The following NELL1 variants were observed in gnomAD, a reference collection of about 807,000 sequenced individuals.
NELL1 encodes neural EGFL like 1.
Under a neutral mutation model 107.4 loss-of-function variants are expected in NELL1, and 76 were observed. That is an observed-to-expected ratio of 0.71 (90% CI 0.59 to 0.86). The LOEUF (loss-of-function observed/expected upper bound fraction) is 0.86, where lower values mean the gene tolerates loss of function less well. NELL1 is among the 40% of genes least tolerant of loss of function. The pLI is 0.00. For synonymous variants in NELL1, 353 were observed against 341.2 expected, an observed-to-expected ratio of 1.03 and a Z score of -0.38; for missense variants, 1,024 against 1,005.5, an observed-to-expected ratio of 1.02 and a Z score of -0.25.
intron 5 of NELL1, among the ~76,000 whole-genome samples, chr11:20,909,608 C>T (rs963285200): frequency 6.6e-5 from 10 of 151,114 alleles, no homozygotes. Context: ...TGAAGTTACT[C>T]TCTTGCTTAA....
chr11:21,529,040 A>G (rs1300399597), intron 15 of NELL1, among the ~76,000 whole-genome samples: 1 of 152,112 alleles, frequency 6.6e-6, no homozygotes. Context: ...GGCTAGCAAT[A>G]AAAAGCAACT....
chr11:20,850,614 C>A (rs1848778341), intron 4 of NELL1, among the ~76,000 whole-genome samples: 1 of 152,162 alleles, frequency 6.6e-6, no homozygotes, highest in South Asian at 2.1e-4. Context: ...AGCTATTTAG[C>A]CCAATAGTGG....
intron 15 of NELL1, among the ~76,000 whole-genome samples, chr11:21,474,291 C>G (rs1854263815): frequency 6.6e-6 from 1 of 151,966 alleles, no homozygotes; most frequent in Non-Finnish European, 1.5e-5. Flanking sequence ...GGTTCTCACT[C>G]TCTTTTAATA....
intron 16 of NELL1, among the ~76,000 whole-genome samples, chr11:21,549,344 CTGTTA>C (rs1368808880): frequency 3.9e-5 from 6 of 151,922 alleles, no homozygotes; most frequent in Non-Finnish European, 8.8e-5. Flanking sequence ...AGATAAATCT[CTGTTA>C]TATCAAAATG....
chr11:20,678,223 G>A (rs1171177743), intron 2 of NELL1, among the ~76,000 whole-genome samples, 163 bp downstream of exon 2: 1 of 152,134 alleles, frequency 6.6e-6, no homozygotes, highest in African/African-American at 2.4e-5. Flanking sequence ...CTGAGGGCAG[G>A]AGGGAGGCAT....
intron 14 of NELL1, among the ~76,000 whole-genome samples, chr11:21,298,392 A>G (rs1849419319): frequency 6.6e-6 from 1 of 151,882 alleles, no homozygotes; most frequent in African/African-American, 2.4e-5. Flanking sequence ...CTCTTCTCAG[A>G]TGTCTCCTTA....
chr11:21,352,037 T>C (rs1454221116), intron 14 of NELL1, among the ~76,000 whole-genome samples: 1 of 152,158 alleles, frequency 6.6e-6, no homozygotes, highest in Non-Finnish European at 1.5e-5. Context: ...ATACTAAGTA[T>C]GGTCCTCCAT....
At chr11:20,913,631 C>CA (rs1850181832) in intron 5 of NELL1, among the ~76,000 whole-genome samples, 1 of 151,978 alleles carries the variant, frequency 6.6e-6, no homozygotes, top group South Asian at 2.1e-4. Context: ...GGTGAGCTGA[C>CA]AGCAGGAGGT....
At chr11:21,082,065 C>T (rs1240944816) in intron 12 of NELL1, among the ~76,000 whole-genome samples, 5 of 152,274 alleles carry the variant, frequency 3.3e-5, no homozygotes, top group Middle Eastern at 6.8e-3. Flanking sequence ...TAGCTTAATA[C>T]TTCACCTGTA....
chr11:21,388,938 G>A (rs1346482783), intron 15 of NELL1, among the ~76,000 whole-genome samples: 7 of 151,742 alleles, frequency 4.6e-5, no homozygotes, highest in Admixed American at 4.6e-4. Flanking sequence ...GTTGAACACT[G>A]TCATCTTTCT....
At chr11:21,483,448 G>A (rs577574662) in intron 15 of NELL1, among the ~76,000 whole-genome samples, 1 of 152,120 alleles carries the variant, frequency 6.6e-6, no homozygotes, top group East Asian at 1.9e-4. Flanking sequence ...TGCTACACAG[G>A]GTTAAATGTA....
At position 20,871,201 on chromosome 11, in the gene NELL1, A is replaced by C. The variant is rs546702759; in HGVS notation, c.507-14243A>C. ...CTGAATCCCTTCCTGCCCTCCTGCT[A>C]GTACTTCCCTTTGACTGAAACCAAG... On this transcript the variant is annotated intron_variant, in intron 4 of 19. Transcript: ENST00000357134. Among the ~76,000 whole-genome samples, 12 of 152,324 alleles carry C rather than the reference A, an allele frequency of 7.9e-5. No individual in the cohort carries two copies. The East Asian group carries it at 1.3e-3, about 17-fold the overall frequency.
intron 11 of NELL1, among the ~76,000 whole-genome samples, chr11:20,957,623 A>C (rs753873538): frequency 2.6e-5 from 4 of 152,232 alleles, no homozygotes; most frequent in Non-Finnish European, 5.9e-5. Flanking sequence ...TAAAATATTT[A>C]TATGTAACAT....
intron 2 of NELL1, among the ~76,000 whole-genome samples, chr11:20,780,046 T>C (rs1856823512): frequency 6.6e-6 from 1 of 152,220 alleles, no homozygotes; most frequent in Non-Finnish European, 1.5e-5. Context: ...AAAGGGCTTC[T>C]CTGAGAGTGA....
At chr11:20,818,211 T>C (rs1857666515) in intron 3 of NELL1, among the ~76,000 whole-genome samples, 1 of 152,218 alleles carries the variant, frequency 6.6e-6, no homozygotes, top group African/African-American at 2.4e-5. Flanking sequence ...TGTGTGACTT[T>C]CTAAGTCTTT....
chr11:20,998,040 C>T (rs1307345338), intron 12 of NELL1, among the ~76,000 whole-genome samples: 1 of 152,068 alleles, frequency 6.6e-6, no homozygotes, highest in Non-Finnish European at 1.5e-5. Context: ...TGGACAAGCC[C>T]ACAAGCAACA....
chr11:20,674,368 C>G (rs1316014185), intron 1 of NELL1: 28 of 741,764 alleles, frequency 3.8e-5, no homozygotes, highest in Non-Finnish European at 5.6e-5. Context: ...TGGGCACCAC[C>G]TATGTGCCAG....
chr11:21,153,005 C>A (rs968450010), intron 13 of NELL1, among the ~76,000 whole-genome samples: 1 of 152,074 alleles, frequency 6.6e-6, no homozygotes, highest in Non-Finnish European at 1.5e-5. Flanking sequence ...CTAAGAATAA[C>A]CTTTTAAAAT....
rs1555005791 is a variant in NELL1 at position 21,336,674 on chromosome 11, T to TACAC, written c.1550-34165_1550-34162dup. ...GTGTATATATATATATATATATATA[T>TACAC]ACACACACACACACACATTAAACAG... is the stretch of plus-strand genomic sequence containing the variant. On this transcript the variant is annotated intron_variant, in intron 14 of 19. Coordinates refer to ENST00000357134, the MANE Select transcript of NELL1 (RefSeq NM_006157.5). 5.5e-3 allele frequency among the ~76,000 whole-genome samples: 722 copies of TACAC among 130,520 alleles called. 24 individuals are homozygous for TACAC. The highest frequency in any genetic ancestry group is 0.05 in the Admixed American group (615 of 12,388). 85.6% of individuals were successfully genotyped at this position (130,520 alleles called of 152,430 possible). A position where few individuals can be genotyped will look rare whatever the true frequency, so the allele number is the denominator to read the frequency against.
Sources: allele counts gnomAD v4.1 joint callset (sites outside exome capture counted in the v4.1 genomes callset), GRCh38; gene constraint gnomAD v4.1.1; transcripts MANE v1.5; gene names NCBI Gene and HGNC (gene_info 2026-07-23, HGNC 2026-07-21).